IQCM: variants seen among roughly 807,000 people sequenced by gnomAD.
IQCM encodes IQ domain-containing protein M.
Under a neutral mutation model 57.6 loss-of-function variants are expected in IQCM, and 45 were observed. That is an observed-to-expected ratio of 0.78 (90% CI 0.62 to 1.00). IQCM has a LOEUF of 1.00. Among genes scored for constraint, IQCM ranks in the 50% least tolerant of loss-of-function variants. The pLI is 0.00. For missense variants in IQCM, 468 were observed against 511.6 expected (o/e 0.91, Z 0.82); for synonymous variants, 148 against 158.9 (o/e 0.93, Z 0.51).
intron 7 of IQCM, among the ~76,000 whole-genome samples, chr4:149,665,478 T>C (rs775107996): frequency 2.0e-5 from 3 of 152,180 alleles, no homozygotes; most frequent in African/African-American, 2.4e-5. Flanking sequence ...TGCTGTCCTA[T>C]ACATCCATGC....
intron 5 of IQCM, among the ~76,000 whole-genome samples, chr4:149,730,648 A>G (rs943771784): frequency 1.3e-5 from 2 of 152,122 alleles, no homozygotes; most frequent in Non-Finnish European, 2.9e-5. Context: ...GTTAACACTT[A>G]TTTATCTTTC....
At chr4:149,430,715 G>A (rs1037108027) in intron 13 of IQCM, among the ~76,000 whole-genome samples, 36 of 151,856 alleles carry the variant, frequency 2.4e-4, no homozygotes, top group African/African-American at 7.0e-4. Flanking sequence ...TATTCTACAT[G>A]GATATATCAC....
At chr4:149,608,179 A>G (rs923578503) in intron 8 of IQCM, among the ~76,000 whole-genome samples, 1 of 151,996 alleles carries the variant, frequency 6.6e-6, no homozygotes, top group African/African-American at 2.4e-5. Context: ...AGGTTATTAT[A>G]TAATGGTAGA....
chr4:149,531,984 G>A (rs1045509893), intron 12 of IQCM, among the ~76,000 whole-genome samples: 1 of 151,976 alleles, frequency 6.6e-6, no homozygotes, highest in African/African-American at 2.4e-5. Flanking sequence ...CCACATAAGA[G>A]GGTAGCTTTG....
At chr4:149,496,105 C>A (rs1742630652) in intron 12 of IQCM, among the ~76,000 whole-genome samples, 1 of 151,996 alleles carries the variant, frequency 6.6e-6, no homozygotes, top group Non-Finnish European at 1.5e-5. Context: ...GCAATAAAGT[C>A]TTCTCTAAAA....
chr4:149,753,269 AAG>A (rs1768632736), intron 2 of IQCM, among the ~76,000 whole-genome samples: 1 of 152,128 alleles, frequency 6.6e-6, no homozygotes, highest in African/African-American at 2.4e-5. Context: ...AAAAATGAAA[AAG>A]AATTTAAAAT....
intron 12 of IQCM, among the ~76,000 whole-genome samples, chr4:149,531,866 G>T (rs934713750): frequency 4.6e-5 from 7 of 151,870 alleles, no homozygotes; most frequent in African/African-American, 7.3e-5. Context: ...CATTTCTCCT[G>T]ACTCATAACA....
At chr4:149,551,888 TC>T (rs1434777288) in intron 11 of IQCM, among the ~76,000 whole-genome samples, 4 of 152,070 alleles carry the variant, frequency 2.6e-5, no homozygotes, top group African/African-American at 9.6e-5. Context: ...TCTCTCTCTC[TC>T]TCTCTTCTCG....
At chr4:149,512,209 T>C (rs1209919281) in intron 12 of IQCM, among the ~76,000 whole-genome samples, 2 of 152,212 alleles carry the variant, frequency 1.3e-5, no homozygotes, top group Non-Finnish European at 2.9e-5. Context: ...AGTACTCTTA[T>C]TCCATTGATC....
chr4:149,792,055 C>T (rs1200398232), intron 2 of IQCM, among the ~76,000 whole-genome samples: 2 of 152,152 alleles, frequency 1.3e-5, no homozygotes, highest in Non-Finnish European at 2.9e-5. Flanking sequence ...CAAAAGCTTT[C>T]CCCAAGAGGT....
intron 2 of IQCM, chr4:149,780,223 G>C (rs1457089989): frequency 2.0e-5 from 3 of 152,058 alleles, no homozygotes; most frequent in African/African-American, 7.2e-5. Flanking sequence ...TATGGAAAAG[G>C]AACTCACGTT....
chr4:149,729,054 G>A (rs1416306910), intron 5 of IQCM, among the ~76,000 whole-genome samples: 1 of 152,220 alleles, frequency 6.6e-6, no homozygotes, highest in African/African-American at 2.4e-5. Context: ...TGAAAGGGAA[G>A]AAAGTAAACA....
At chr4:149,603,910 G>A (rs1342149601) in intron 8 of IQCM, among the ~76,000 whole-genome samples, 1 of 151,954 alleles carries the variant, frequency 6.6e-6, no homozygotes, top group Non-Finnish European at 1.5e-5. Context: ...GCACACCTGT[G>A]ACATGTGCGT....
intron 13 of IQCM, among the ~76,000 whole-genome samples, chr4:149,427,152 T>A (rs561925199): frequency 6.6e-6 from 1 of 151,988 alleles, no homozygotes; most frequent in Non-Finnish European, 1.5e-5. Context: ...CCAACAACAG[T>A]GCTCACTGCA....
In IQCM at chr4:149,553,285, A is replaced by C. The variant is rs1749213129; in HGVS notation, c.951T>G (p.Ala317=). ...RKRLQRVMTK[A]LDHGPDMKAV... is the part of the protein sequence containing the mutation. ...CTTTCATATCTGGTCCATGATCCAA[A>C]GCCTACAAAGACAGAAAAGCTCCTT... Residue 317 remains alanine, a splice_region_variant and synonymous_variant, in exon 11 of 14, where the codon GCT becomes GCG. Coordinates refer to ENST00000636793, the MANE Select transcript of IQCM (RefSeq NM_001363507.2). The C allele has an allele frequency of 8.1e-7, 1 of 1,231,780 alleles. No homozygotes were observed. Among genetic ancestry groups the C allele is most frequent in the Non-Finnish European group, 1.0e-6 (1 of 987,758 alleles). 76.3% of individuals were successfully genotyped at this position (1,231,780 alleles called of 1,614,324 possible). A position where few individuals can be genotyped will look rare whatever the true frequency, so the allele number is the denominator to read the frequency against.
chr4:149,636,878 T>A (rs1435832318), intron 7 of IQCM, among the ~76,000 whole-genome samples: 2 of 150,652 alleles, frequency 1.3e-5, no homozygotes. Context: ...GCGCGGTGGC[T>A]CACGCCTGTA....
At chr4:149,573,466 A>T (rs773081817) in intron 9 of IQCM, among the ~76,000 whole-genome samples, 4 of 151,944 alleles carry the variant, frequency 2.6e-5, no homozygotes, top group Non-Finnish European at 4.4e-5. Flanking sequence ...GTTGTAAAGA[A>T]AAATGATAAT....
At chr4:149,611,245 T>C (rs1755257326) in intron 8 of IQCM, among the ~76,000 whole-genome samples, 1 of 151,700 alleles carries the variant, frequency 6.6e-6, no homozygotes, top group African/African-American at 2.4e-5. Context: ...AAAATGTAAA[T>C]TACTATAGCC....
intron 9 of IQCM, among the ~76,000 whole-genome samples, chr4:149,580,402 G>T (rs1003880174): frequency 4.0e-5 from 6 of 151,788 alleles, no homozygotes; most frequent in African/African-American, 1.4e-4. Context: ...GTTGGGTGAG[G>T]ACTTAACAAA....
Sources: gnomAD v4.1 joint callset for allele counts (sites outside exome capture counted in the v4.1 genomes callset) on GRCh38, gnomAD v4.1.1 for gene constraint, MANE v1.5 for transcripts, NCBI Gene and HGNC (gene_info 2026-07-23, HGNC 2026-07-21) for gene names.